SHISA9: variants seen among roughly 807,000 people sequenced by gnomAD.
SHISA9 encodes protein shisa-9.
A neutral mutation model predicts 38.0 loss-of-function variants in SHISA9; 13 were observed. The observed-to-expected ratio is 0.34, with a 90% confidence interval of 0.22 to 0.54. The LOEUF (loss-of-function observed/expected upper bound fraction) is 0.54. SHISA9 is among the 20% of genes least tolerant of loss of function. The pLI is 0.91. For synonymous variants in SHISA9, 275 were observed against 242.0 expected (o/e 1.14, Z -1.27); for missense variants, 538 against 575.8 (o/e 0.93, Z 0.67).
chr16:13,349,273 G>T, the SHISA9 span, among the ~76,000 whole-genome samples: 1 of 152,166 alleles, frequency 6.6e-6, no homozygotes, highest in Admixed American at 6.5e-5. Flanking sequence ...TTAACCACCC[G>T]CAGTGTTAAC....
At chr16:13,201,926 C>T (rs1165936011) in intron 2 of SHISA9, among the ~76,000 whole-genome samples, 1 of 108,794 alleles carries the variant, frequency 9.2e-6, no homozygotes, top group African/African-American at 3.9e-5. Flanking sequence ...TAAAGGGGAT[C>T]TTTCAAGGCA....
At chr16:12,991,988 G>A (rs1007959171) in intron 2 of SHISA9, among the ~76,000 whole-genome samples, 8 of 152,154 alleles carry the variant, frequency 5.3e-5, no homozygotes, top group African/African-American at 1.9e-4. Context: ...ACTTGCCTCA[G>A]TGTCTAGAAG....
chr16:13,191,097 C>A (rs1483256680), intron 2 of SHISA9, among the ~76,000 whole-genome samples: 2 of 152,054 alleles, frequency 1.3e-5, no homozygotes, highest in African/African-American at 4.8e-5. Context: ...CAGAAAAAAA[C>A]CTACATGGTA....
the SHISA9 span, among the ~76,000 whole-genome samples, chr16:13,307,906 G>A: frequency 2.0e-5 from 3 of 152,124 alleles, no homozygotes; most frequent in African/African-American, 7.2e-5. Flanking sequence ...GATGATTAAC[G>A]GTCCTTCCAG....
intron 2 of SHISA9, among the ~76,000 whole-genome samples, chr16:13,131,143 A>G (rs1453548873): frequency 2.0e-5 from 3 of 152,202 alleles, no homozygotes; most frequent in Non-Finnish European, 2.9e-5. Context: ...ATGTCATTCT[A>G]TTATAAAGAT....
chr16:13,131,337 AT>A (rs1419029387), intron 2 of SHISA9, among the ~76,000 whole-genome samples: 1 of 152,208 alleles, frequency 6.6e-6, no homozygotes, highest in African/African-American at 2.4e-5. Context: ...GCTGGAAGCC[AT>A]TATCCTCAGC....
chr16:13,457,410 G>A, the SHISA9 span, among the ~76,000 whole-genome samples: 1 of 152,232 alleles, frequency 6.6e-6, no homozygotes, highest in African/African-American at 2.4e-5. Context: ...GTTCAGAAGT[G>A]AGAGTAGTCT....
At chr16:13,319,913 C>T in the SHISA9 span, among the ~76,000 whole-genome samples, 14 of 151,908 alleles carry the variant, frequency 9.2e-5, no homozygotes, top group African/African-American at 3.1e-4. Flanking sequence ...GAATTTGAAG[C>T]CAGGCCAGGA....
the SHISA9 span, among the ~76,000 whole-genome samples, chr16:13,370,164 G>A: frequency 6.6e-6 from 1 of 152,262 alleles, no homozygotes; most frequent in South Asian, 2.1e-4. Flanking sequence ...GGGGTGCCAC[G>A]ACCATGGGTT....
chr16:12,981,354 C>G (rs1157089345), intron 2 of SHISA9, among the ~76,000 whole-genome samples: 1 of 152,208 alleles, frequency 6.6e-6, no homozygotes, highest in Non-Finnish European at 1.5e-5. Context: ...CACTGTTTGC[C>G]CCAGGGCAAT....
chr16:13,402,702 G>A, the SHISA9 span, among the ~76,000 whole-genome samples: 8 of 152,160 alleles, frequency 5.3e-5, no homozygotes, highest in South Asian at 1.7e-3. Context: ...AGTAGAGATG[G>A]GGTTTCACCA....
chr16:13,419,403 T>C, the SHISA9 span, among the ~76,000 whole-genome samples: 33 of 152,230 alleles, frequency 2.2e-4, no homozygotes, highest in Admixed American at 1.7e-3. Context: ...AGAAATATTT[T>C]TGAAAGACTT....
chr16:12,911,758 T>C (rs555185199), intron 1 of SHISA9: 1 of 152,278 alleles, frequency 6.6e-6, no homozygotes, highest in South Asian at 2.1e-4. Context: ...GGGAGTCCAG[T>C]TTAGTGTTTT....
At chr16:13,296,329 T>C in the SHISA9 span, among the ~76,000 whole-genome samples, 1 of 152,120 alleles carries the variant, frequency 6.6e-6, no homozygotes, top group South Asian at 2.1e-4. Context: ...TTATATTTTT[T>C]TAGCACTTTA....
the SHISA9 span, among the ~76,000 whole-genome samples, chr16:13,256,075 C>G: frequency 2.0e-5 from 3 of 152,034 alleles, no homozygotes; most frequent in Non-Finnish European, 1.5e-5. Context: ...TTGGAAGTTC[C>G]CCCATACATT....
chr16:12,925,473 G>GTGTGTGTGTGTGTGTGTGTA lies in SHISA9; in HGVS notation c.691+8658_691+8659insTGTGTGTGTGTGTGTGTGTA, dbSNP rs113968316. On this transcript the variant is annotated intron_variant, in intron 2 of 4. Transcript: ENST00000558583. ...TGTGTGTGTGTGTGTGTGTGTGTGT[G>GTGTGTGTGTGTGTGTGTGTA]CAAGCAACAGAGAAAGACAACCCTT... Among the ~76,000 whole-genome samples the GTGTGTGTGTGTGTGTGTGTA allele has an allele frequency of 3.7e-3, 563 of 150,594 alleles. 2 individuals are homozygous for GTGTGTGTGTGTGTGTGTGTA. The highest frequency in any genetic ancestry group is 8.4e-3 in the East Asian group (43 of 5,126).
the SHISA9 span, among the ~76,000 whole-genome samples, chr16:13,277,473 A>G: frequency 6.6e-6 from 1 of 151,436 alleles, no homozygotes; most frequent in African/African-American, 2.4e-5. Context: ...TGGTATTTTG[A>G]TGAGGATTGC....
chr16:13,164,715 A>G (rs2050621932), intron 2 of SHISA9, among the ~76,000 whole-genome samples: 2 of 152,084 alleles, frequency 1.3e-5, no homozygotes, highest in East Asian at 1.9e-4. Context: ...TTCAAAATAC[A>G]TTTTTATTTC....
intron 2 of SHISA9, among the ~76,000 whole-genome samples, chr16:12,958,502 G>A (rs746709903): frequency 3.9e-5 from 6 of 152,218 alleles, no homozygotes; most frequent in Non-Finnish European, 7.3e-5. Flanking sequence ...AGTTCAGAGT[G>A]GGTATGTGCT....
Sources: gnomAD v4.1 joint callset for allele counts (sites outside exome capture counted in the v4.1 genomes callset) on GRCh38, gnomAD v4.1.1 for gene constraint, MANE v1.5 for transcripts, NCBI Gene and HGNC (gene_info 2026-07-23, HGNC 2026-07-21) for gene names.